The following SERPIND1 variants were observed in gnomAD, a reference collection of about 807,000 sequenced individuals.
SERPIND1 encodes serpin family D member 1.
Under a neutral mutation model 35.0 loss-of-function variants are expected in SERPIND1, and 34 were observed. That is an observed-to-expected ratio of 0.97 (90% confidence interval 0.74 to 1.29). The LOEUF (loss-of-function observed/expected upper bound fraction) is 1.29, where lower values mean the gene tolerates loss of function less well. Among genes scored for constraint, SERPIND1 ranks in the 50% most tolerant of loss-of-function variants. SERPIND1 has a pLI of 0.00. For missense variants in SERPIND1, 633 were observed against 637.7 expected, an observed-to-expected ratio of 0.99 and a Z score of 0.08; for synonymous variants, 236 against 241.1, an observed-to-expected ratio of 0.98 and a Z score of 0.19.
At position 20,784,152 on chromosome 22, in the gene SERPIND1, T is replaced by C. The variant is rs199499153; in HGVS notation, c.1070T>C (p.Ile357Thr). 35 of 1,613,984 alleles carry C rather than the reference T, an allele frequency of 2.2e-5. No individual in the cohort carries two copies. Among genetic ancestry groups the C allele is most frequent in the Non-Finnish European group, 2.6e-5 (31 of 1,180,026 alleles). The change falls in exon 3 of 5, where the codon ATT becomes ACT. Residue 357 changes from isoleucine to threonine, a missense_variant. Physicochemically the swap from Ile to Thr is moderately conservative, Grantham distance 89. Transcript: ENST00000215727. The stretch of plus-strand genomic sequence containing the variant: ...TACGTGGGGGGCATCAGCATGCTAA[T>C]TGTGGTCCCACACAAGATGTCTGGG... ...LEYVGGISML[I>T]VVPHKMSGMK...
rs376870477 is a variant in SERPIND1, at chr22:20,783,937, C to G, written c.890-35C>G. On this transcript the variant is annotated intron_variant, in intron 2 of 4. Coordinates refer to ENST00000215727, the MANE Select transcript of SERPIND1 (RefSeq NM_000185.4). ...GGTGAGACGATTTCCCTAAAGGAACCTTCTCATAACAGCCTCTTCCTGTGG... is the reference window on the plus strand; with the variant it reads ...GGTGAGACGATTTCCCTAAAGGAACGTTCTCATAACAGCCTCTTCCTGTGG... 7.0e-5 allele frequency: 113 copies of G among 1,614,046 alleles called. 1 individual carries two copies. The African/African-American group carries it at 1.3e-3, about 19-fold the overall frequency.
At position 20,786,861 on chromosome 22, in the gene SERPIND1, T is replaced by G; in HGVS notation, c.1309-14T>G. 6.2e-7 allele frequency: 1 copy of G among 1,614,116 alleles called. No homozygotes were observed. On this transcript the variant is annotated splice_polypyrimidine_tract_variant and intron_variant, in intron 4 of 4. Coordinates refer to ENST00000215727, the MANE Select transcript of SERPIND1 (RefSeq NM_000185.4). Reference sequence around the variant, plus strand: ...GCTGACCTCCAGAATCTGACAACTTTCCTTTCCAAACAGTTCAAGCACCAA... The same window carrying G: ...GCTGACCTCCAGAATCTGACAACTTGCCTTTCCAAACAGTTCAAGCACCAA...
In SERPIND1 at chr22:20,779,957, G is replaced by A. The variant is rs1334054862; in HGVS notation, c.645G>A (p.Gly215=). 2 of 1,614,062 alleles carry A rather than the reference G, an allele frequency of 1.2e-6. No homozygotes were observed. Among genetic ancestry groups the A allele is most frequent in the Non-Finnish European group, 1.7e-6 (2 of 1,180,048 alleles). The change falls in exon 2 of 5, where the codon GGG becomes GGA. Residue 215 remains glycine (G), a synonymous_variant. Coordinates refer to ENST00000215727, the MANE Select transcript of SERPIND1 (RefSeq NM_000185.4). ...LTHRLFRRNF[G]YTLRSVNDLY... ...ATCGCCTCTTCAGGAGGAATTTTGGGTACACACTGCGGTCAGTCAATGACC... is the reference window on the plus strand; with the variant it reads ...ATCGCCTCTTCAGGAGGAATTTTGGATACACACTGCGGTCAGTCAATGACC...
Position 20,779,383 on chromosome 22 carries a change from C to G in SERPIND1, c.71C>G (p.Pro24Arg), listed in dbSNP as rs749720054. Residue 24 changes from proline (P) to arginine (R), a missense_variant, in exon 2 of 5, where the codon CCG becomes CGG. Pro to Arg is a moderately radical substitution (Grantham distance 103). Coordinates refer to ENST00000215727, the MANE Select transcript of SERPIND1 (RefSeq NM_000185.4). ...ITSAWGGSKG[P>R]LDQLEKGGET... ...TCTGCGTGGGGTGGGAGCAAAGGCC[C>G]GCTGGATCAGCTAGAGAAAGGAGGG... 3.1e-6 allele frequency: 5 copies of G among 1,614,100 alleles called. No individual in the cohort carries two copies. The African/African-American group carries it at 5.3e-5, about 17-fold the overall frequency.
chr22:20,775,581 G>T (rs1283174847), intron 1 of SERPIND1, among the ~76,000 whole-genome samples: 1 of 152,038 alleles, frequency 6.6e-6, no homozygotes, highest in Non-Finnish European at 1.5e-5. Context: ...TATTCAAGTT[G>T]GTTTTTGTTT....
chr22:20,777,033 G>GT (rs940118924), intron 1 of SERPIND1, among the ~76,000 whole-genome samples: 9 of 108,732 alleles, frequency 8.3e-5, no homozygotes, highest in Non-Finnish European at 1.1e-4. Flanking sequence ...ACAAAAGGCA[G>GT]TTTTTTTTTG....
At chr22:20,783,802 T>C (rs535616362) in intron 2 of SERPIND1, among the ~76,000 whole-genome samples, 170 bp from the exon 3 acceptor site, 2 of 152,288 alleles carry the variant, frequency 1.3e-5, no homozygotes, top group Admixed American at 1.3e-4. Context: ...CCTCTCTTGT[T>C]AGAAATGCAA....
intron 1 of SERPIND1, among the ~76,000 whole-genome samples, chr22:20,777,625 T>A (rs1163793373): frequency 6.6e-6 from 1 of 152,234 alleles, no homozygotes; most frequent in Non-Finnish European, 1.5e-5. Context: ...GTGTTGGGAT[T>A]ATAGGCGTAA....
chr22:20,775,926 A>C (rs1484712212), intron 1 of SERPIND1, among the ~76,000 whole-genome samples: 2 of 143,310 alleles, frequency 1.4e-5, no homozygotes, highest in Non-Finnish European at 3.2e-5. Context: ...CTATTGATAC[A>C]CAGTCTCCTG....
At chr22:20,778,629 G>A (rs1358718608) in intron 1 of SERPIND1, among the ~76,000 whole-genome samples, 1 of 152,158 alleles carries the variant, frequency 6.6e-6, no homozygotes, top group East Asian at 1.9e-4. Flanking sequence ...CTGGCCCATG[G>A]ACATTTTTCA....
chr22:20,781,153 C>T (rs534445918), intron 2 of SERPIND1, among the ~76,000 whole-genome samples: 1 of 152,198 alleles, frequency 6.6e-6, no homozygotes, highest in African/African-American at 2.4e-5. Flanking sequence ...AAGGAGGTCA[C>T]CCCACACCCA....
intron 1 of SERPIND1, among the ~76,000 whole-genome samples, chr22:20,776,262 G>A (rs186636243): frequency 9.9e-5 from 15 of 152,126 alleles, no homozygotes; most frequent in African/African-American, 3.1e-4. Context: ...AGGAACAGGT[G>A]GCAGTGAACC....
intron 1 of SERPIND1, among the ~76,000 whole-genome samples, chr22:20,774,758 CAA>C (rs361993): frequency 1.5e-3 from 159 of 107,300 alleles, no homozygotes; most frequent in Middle Eastern, 4.8e-3. Context: ...TAGACTCCGT[CAA>C]AAAAAAAAAA....
chr22:20,779,365 G>C lies in SERPIND1; in HGVS notation c.53G>C (p.Trp18Ser). ...LLIFLIITSA[W>S]GGSKGPLDQL... ...ATTTTCCTCATCATAACATCTGCGT[G>C]GGGTGGGAGCAAAGGCCCGCTGGAT... is the stretch of plus-strand genomic sequence containing the variant. The change falls in exon 2 of 5, where the codon TGG (tryptophan) becomes TCG (serine). Residue 18 changes from tryptophan (W) to serine (S), a missense_variant. Trp to Ser is a radical substitution (Grantham distance 177). Coordinates refer to ENST00000215727, the MANE Select transcript of SERPIND1 (RefSeq NM_000185.4). 1 of 1,614,210 alleles carries C rather than the reference G, an allele frequency of 6.2e-7. No individual in the cohort carries two copies. Among genetic ancestry groups the C allele is most frequent in the South Asian group, 1.1e-5 (1 of 91,086 alleles).
At chr22:20,781,260 C>T (rs184069297) in intron 2 of SERPIND1, among the ~76,000 whole-genome samples, 1 of 152,248 alleles carries the variant, frequency 6.6e-6, no homozygotes, top group East Asian at 1.9e-4. Flanking sequence ...CTGGACCAGA[C>T]CAGAAGAAAC....
chr22:20,782,332 G>A (rs986714519), intron 2 of SERPIND1, among the ~76,000 whole-genome samples: 1 of 152,194 alleles, frequency 6.6e-6, no homozygotes, highest in Non-Finnish European at 1.5e-5. Flanking sequence ...GTAAACACAC[G>A]TGCAAATGCT....
Position 20,779,809 on chromosome 22 carries a change from C to T in SERPIND1, c.497C>T (p.Ser166Phe), listed in dbSNP as rs748874753. 5 of 1,614,094 alleles carry T rather than the reference C, an allele frequency of 3.1e-6. No individual in the cohort carries two copies. In the Admixed American group the frequency reaches 8.3e-5, roughly 27 times the overall value. ...VGISTAMGMI[S>F]LGLKGETHEQ... Reference sequence around the variant, plus strand: ...ATTTCTACTGCGATGGGTATGATTTCCTTAGGTCTGAAGGGAGAGACCCAT... The same window carrying T: ...ATTTCTACTGCGATGGGTATGATTTTCTTAGGTCTGAAGGGAGAGACCCAT... Residue 166 changes from serine to phenylalanine, a missense_variant, in exon 2 of 5, where the codon TCC becomes TTC. Coordinates refer to ENST00000215727, the MANE Select transcript of SERPIND1 (RefSeq NM_000185.4).
At chr22:20,780,789 A>G (rs935995027) in intron 2 of SERPIND1, among the ~76,000 whole-genome samples, 1 of 151,278 alleles carries the variant, frequency 6.6e-6, no homozygotes, top group African/African-American at 2.4e-5. Flanking sequence ...AAAAAAAAAA[A>G]AAGAAGTAAA....
In SERPIND1 at chr22:20,780,147, G is replaced by A. The variant is rs765005646; in HGVS notation, c.835G>A (p.Glu279Lys). 6.2e-7 allele frequency: 1 copy of A among 1,614,190 alleles called. No individual in the cohort carries two copies. Among genetic ancestry groups the A allele is most frequent in the South Asian group, 1.1e-5 (1 of 91,088 alleles). ...LTKGLIKDAL[E>K]NIDPATQMMI... ...CAAGGGCCTCATAAAAGATGCTCTG[G>A]AGAATATAGACCCTGCTACCCAGAT... Residue 279 changes from glutamate to lysine, a missense_variant, in exon 2 of 5, where the codon GAG becomes AAG. Physicochemically the swap from Glu to Lys is moderately conservative, Grantham distance 56 (BLOSUM62 1). Transcript: ENST00000215727.
Sources: allele counts gnomAD v4.1 joint callset (sites outside exome capture counted in the v4.1 genomes callset), GRCh38; gene constraint gnomAD v4.1.1; transcripts MANE v1.5; gene names NCBI Gene and HGNC (gene_info 2026-07-23, HGNC 2026-07-21).